NALCN: variants seen among roughly 807,000 people sequenced by gnomAD.
NALCN encodes sodium leak channel, non-selective.
Under a neutral mutation model 225.3 loss-of-function variants are expected in NALCN, and 111 were observed. The ratio of observed to expected loss-of-function variants is 0.49; its 90% confidence interval spans 0.42 to 0.58. The LOEUF (loss-of-function observed/expected upper bound fraction) is 0.58. Ranked by LOEUF, NALCN falls within the 20% of genes least tolerant of loss-of-function variation. The pLI is 0.00. For synonymous variants in NALCN, 764 were observed against 769.0 expected (o/e 0.99, Z 0.11); for missense variants, 1,378 against 2,202.4 (o/e 0.63, Z 7.49).
chr13:101,093,840 C>T (rs1352012722), intron 28 of NALCN, among the ~76,000 whole-genome samples: 4 of 152,148 alleles, frequency 2.6e-5, no homozygotes. Context: ...TCCTTAGCAG[C>T]TCAAGGACCC....
At chr13:101,350,792 T>C (rs57232429) in intron 6 of NALCN, among the ~76,000 whole-genome samples, 7,383 of 152,222 alleles carry the variant, frequency 0.049, 605 homozygotes, top group African/African-American at 0.17. Context: ...ATCTTATTAA[T>C]AGGAAAGATT....
intron 10 of NALCN, among the ~76,000 whole-genome samples, chr13:101,277,035 T>C (rs868738462): frequency 6.6e-6 from 1 of 152,036 alleles, no homozygotes; most frequent in Non-Finnish European, 1.5e-5. Context: ...AACGTGTGTA[T>C]ATATATGTTT....
At chr13:101,227,042 A>C (rs1328321947) in intron 13 of NALCN, among the ~76,000 whole-genome samples, 2 of 152,080 alleles carry the variant, frequency 1.3e-5, no homozygotes, top group Non-Finnish European at 2.9e-5. Flanking sequence ...ACACCTCCGG[A>C]CGCTGGAGAG....
At chr13:101,234,858 C>T (rs5006181) in intron 12 of NALCN, among the ~76,000 whole-genome samples, 2 of 87,546 alleles carry the variant, frequency 2.3e-5, no homozygotes, top group Non-Finnish European at 4.3e-5. Context: ...CTATCATCTA[C>T]CTATCTATCT....
chr13:101,081,906 C>G (rs2033674267), intron 33 of NALCN, among the ~76,000 whole-genome samples: 1 of 152,108 alleles, frequency 6.6e-6, no homozygotes, highest in Admixed American at 6.6e-5. Flanking sequence ...GAGACTGAGT[C>G]TCGCTCTGTC....
Position 101,111,089 on chromosome 13 carries a change from TA to T in NALCN, c.2294+35del, listed in dbSNP as rs777160450. On this transcript the variant is annotated intron_variant, in intron 19 of 43. Transcript: ENST00000251127. ...CATTTCCTGTAAAACCCCCCTTTTT[TA>T]GAGTCTCTGAAGCCCTGTCTTCCCA... The T allele has an allele frequency of 4.4e-6, 7 of 1,579,792 alleles. No homozygotes were observed. The South Asian group carries it at 7.8e-5, about 18-fold the overall frequency.
intron 7 of NALCN, among the ~76,000 whole-genome samples, chr13:101,302,891 G>T (rs2044023193): frequency 6.7e-6 from 1 of 149,254 alleles, no homozygotes; most frequent in South Asian, 2.1e-4. Flanking sequence ...ACTGGTTTAG[G>T]TTTTTTTTTT....
intron 13 of NALCN, among the ~76,000 whole-genome samples, chr13:101,218,915 G>A (rs984095904): frequency 5.9e-5 from 9 of 152,036 alleles, no homozygotes; most frequent in African/African-American, 2.2e-4. Flanking sequence ...ATAGCAATGT[G>A]AGAGCAGGCT....
intron 20 of NALCN, 35 bp downstream of exon 20, chr13:101,110,584 C>A: frequency 6.2e-7 from 1 of 1,601,192 alleles, no homozygotes; most frequent in Non-Finnish European, 8.6e-7. Context: ...TTCATAATCA[C>A]GTTTCTGAAA....
chr13:101,227,145 T>C (rs149839084), intron 13 of NALCN, among the ~76,000 whole-genome samples: 1 of 152,182 alleles, frequency 6.6e-6, no homozygotes, highest in Non-Finnish European at 1.5e-5. Context: ...CTTGCTGTCC[T>C]GAGGATCACC....
In NALCN at chr13:101,192,000, C is replaced by T; in HGVS notation, c.1681G>A (p.Asp561Asn). Residue 561 changes from aspartate (D) to asparagine (N), a missense_variant, in exon 14 of 44, where the codon GAC becomes AAC. Asp to Asn is a conservative substitution (Grantham distance 23). This residue lies in a region of NALCN where 62 missense variants were observed against 143.6 expected (regional missense o/e 0.43). Coordinates refer to ENST00000251127, the MANE Select transcript of NALCN (RefSeq NM_052867.4). The stretch of plus-strand genomic sequence containing the variant: ...TGTCCCACAGCATTTAGAGTTTGGT[C>T]CATTACGTCCACCCATCCTTCCTGG... ...LTQEGWVDVMDQTLNAVGHMW... is the reference protein window; with the variant it reads ...LTQEGWVDVMNQTLNAVGHMW... The T allele has an allele frequency of 6.3e-7, 1 of 1,597,516 alleles. No homozygotes were observed. The highest frequency in any genetic ancestry group is 8.5e-7 in the Non-Finnish European group (1 of 1,175,072).
chr13:101,389,701 C>T (rs1334236939), intron 3 of NALCN, among the ~76,000 whole-genome samples: 1 of 152,206 alleles, frequency 6.6e-6, no homozygotes, highest in Non-Finnish European at 1.5e-5. Context: ...GGGAAAAACT[C>T]CCATTTCATG....
rs561986209 is a variant in NALCN at position 101,076,208 on chromosome 13, G to A, written c.3886-267C>T. ...TTTTGAAATTTATTTTACATAAAAT[G>A]GTGACCAGCTCTTTTGCATACAGGG... On this transcript the variant is annotated intron_variant, in intron 34 of 43. Coordinates refer to ENST00000251127, the MANE Select transcript of NALCN (RefSeq NM_052867.4). Among the ~76,000 whole-genome samples the A allele has an allele frequency of 2.0e-4, 31 of 152,266 alleles. 1 individual carries two copies. In the South Asian group the frequency reaches 6.0e-3, roughly 30 times the overall value.
At chr13:101,190,017 ATATTT>A (rs990875757) in intron 14 of NALCN, among the ~76,000 whole-genome samples, 18 of 152,158 alleles carry the variant, frequency 1.2e-4, no homozygotes, top group African/African-American at 3.6e-4. Flanking sequence ...ACCAGTTTTA[ATATTT>A]TATTTTATTA....
intron 14 of NALCN, among the ~76,000 whole-genome samples, chr13:101,189,158 C>T (rs1056484805): frequency 4.6e-5 from 7 of 152,010 alleles, no homozygotes; most frequent in African/African-American, 1.5e-4. Flanking sequence ...CAAACTGAGT[C>T]TTCTACTGAA....
intron 6 of NALCN, among the ~76,000 whole-genome samples, chr13:101,374,856 T>C (rs980985643): frequency 6.6e-6 from 1 of 152,208 alleles, no homozygotes; most frequent in Non-Finnish European, 1.5e-5. Flanking sequence ...AATTCACTTT[T>C]AGTTTTTAGA....
chr13:101,412,912 T>G (rs1303655864), intron 1 of NALCN, among the ~76,000 whole-genome samples: 3 of 152,218 alleles, frequency 2.0e-5, no homozygotes, highest in Non-Finnish European at 2.9e-5. Flanking sequence ...GATTTTTTTC[T>G]TTTTCCAGCT....
Position 101,089,601 on chromosome 13 carries a change from T to C in NALCN, c.3489+62A>G. 1 of 1,464,702 alleles carries C rather than the reference T, an allele frequency of 6.8e-7. No homozygotes were observed. The highest frequency in any genetic ancestry group is 1.2e-5 in the South Asian group (1 of 85,470). The allele number at this position is 1,464,702 out of a possible 1,614,324, so 90.7% of individuals were successfully genotyped here. The stretch of plus-strand genomic sequence containing the variant: ...CACGCCGCGTGTGAAAAGAAACAAA[T>C]AGCTCAAAGTGAGTGGCTAGAAAAG... On this transcript the variant is annotated intron_variant, in intron 30 of 43. Transcript: ENST00000251127. The surrounding 1 kb of genome is among the most constrained non-coding windows in gnomAD (Gnocchi z 4.7).
At chr13:101,414,005 C>G (rs1861766939) in intron 1 of NALCN, among the ~76,000 whole-genome samples, 1 of 151,966 alleles carries the variant, frequency 6.6e-6, no homozygotes, top group African/African-American at 2.4e-5. Flanking sequence ...TCCACCTCAG[C>G]CTCCCAAGTA....
Sources: allele counts gnomAD v4.1 joint callset (sites outside exome capture counted in the v4.1 genomes callset), GRCh38; gene constraint gnomAD v4.1.1; regional missense constraint gnomAD v4.1.1; non-coding constraint Gnocchi (gnomAD v3.1); transcripts MANE v1.5; gene names NCBI Gene and HGNC (gene_info 2026-07-23, HGNC 2026-07-21).